Variants in ELMO2 observed in about 807,000 individuals in gnomAD.
The protein encoded by ELMO2 is engulfment and cell motility 2.
A neutral mutation model predicts 96.2 loss-of-function variants in ELMO2; 37 were observed. The ratio of observed to expected loss-of-function variants is 0.38; its 90% confidence interval spans 0.30 to 0.51. The LOEUF is 0.51. Among genes scored for constraint, ELMO2 ranks in the 20% least tolerant of loss-of-function variants. The probability of loss-of-function intolerance (pLI) is 0.88; values close to 1 mark genes in which losing one functional copy is unlikely to be tolerated. For synonymous variants in ELMO2, 315 were observed against 329.4 expected (o/e 0.96, Z 0.47); for missense variants, 561 against 912.6 (o/e 0.61, Z 4.96).
intron 15 of ELMO2, among the ~76,000 whole-genome samples, chr20:46,373,800 A>G (rs1362637674): frequency 6.6e-6 from 1 of 152,202 alleles, no homozygotes; most frequent in Non-Finnish European, 1.5e-5. Context: ...TCAAATTGCC[A>G]GTTCAAACAA....
intron 2 of ELMO2, among the ~76,000 whole-genome samples, chr20:46,396,155 C>A (rs189543889): frequency 8.5e-5 from 13 of 152,306 alleles, no homozygotes; most frequent in African/African-American, 3.1e-4. Context: ...CCTAGACACA[C>A]GACAAACCTC....
At chr20:46,397,199 C>A (rs916166513) in intron 2 of ELMO2, among the ~76,000 whole-genome samples, 1 of 152,188 alleles carries the variant, frequency 6.6e-6, no homozygotes, top group Non-Finnish European at 1.5e-5. Flanking sequence ...TTTGCAACCA[C>A]CAAACTATTT....
chr20:46,381,280 C>T (rs2059950050), intron 10 of ELMO2, among the ~76,000 whole-genome samples: 1 of 152,188 alleles, frequency 6.6e-6, no homozygotes, highest in Non-Finnish European at 1.5e-5. Context: ...TCGACCATCA[C>T]TTCTTACTGA....
At chr20:46,405,609 T>G (rs2060421524) in intron 1 of ELMO2, among the ~76,000 whole-genome samples, 1 of 151,722 alleles carries the variant, frequency 6.6e-6, no homozygotes, top group South Asian at 2.1e-4. Flanking sequence ...ATTTCTCGGC[T>G]GGGCGCGGTG....
intron 1 of ELMO2, among the ~76,000 whole-genome samples, chr20:46,400,502 G>C (rs1433793410): frequency 2.0e-5 from 3 of 152,252 alleles, no homozygotes; most frequent in Non-Finnish European, 4.4e-5. Flanking sequence ...CAGTACTGTA[G>C]CTCAATTGCA....
intron 1 of ELMO2, among the ~76,000 whole-genome samples, chr20:46,404,641 C>T (rs921930547): frequency 3.3e-5 from 5 of 152,288 alleles, no homozygotes; most frequent in Non-Finnish European, 4.4e-5. Context: ...TACCACAATC[C>T]CTGGCCATAG....
chr20:46,403,613 C>A (rs181133246), intron 1 of ELMO2, among the ~76,000 whole-genome samples: 4 of 152,368 alleles, frequency 2.6e-5, no homozygotes, highest in Admixed American at 2.6e-4. Context: ...TCTGGCTCTT[C>A]ATTACACCTC....
chr20:46,374,220 G>T, intron 15 of ELMO2, 112 bp downstream of exon 15: 1 of 747,630 alleles, frequency 1.3e-6, no homozygotes, highest in Non-Finnish European at 2.2e-6. Flanking sequence ...GAGATTACAG[G>T]TGTGAACCAC....
intron 6 of ELMO2, among the ~76,000 whole-genome samples, chr20:46,389,881 AC>A (rs1374647643): frequency 1.3e-5 from 2 of 152,070 alleles, no homozygotes; most frequent in African/African-American, 2.4e-5. Context: ...TTGGTCAGGT[AC>A]AGTGGCTTAC....
chr20:46,386,320 G>T, intron 8 of ELMO2, 45 bp from the exon 9 acceptor site: 2 of 1,604,782 alleles, frequency 1.2e-6, no homozygotes, highest in Non-Finnish European at 8.5e-7. Flanking sequence ...CAGGGCCCAA[G>T]AAAGATAGAA....
intron 1 of ELMO2, among the ~76,000 whole-genome samples, chr20:46,400,904 G>A (rs529119202): frequency 6.6e-6 from 1 of 152,320 alleles, no homozygotes; most frequent in South Asian, 2.1e-4. Context: ...GATTCTGAGA[G>A]CAGGATTGGA....
At chr20:46,382,014 C>T (rs2059965441) in intron 10 of ELMO2, among the ~76,000 whole-genome samples, 1 of 152,198 alleles carries the variant, frequency 6.6e-6, no homozygotes. Flanking sequence ...GCAGGTACCC[C>T]CTTAATCCTT....
Position 46,387,346 on chromosome 20 carries a change from T to A in ELMO2, c.517A>T (p.Ile173Phe), listed in dbSNP as rs950801987. Residue 173 changes from isoleucine (I) to phenylalanine (F), a missense_variant, in exon 8 of 22, where the codon ATT becomes TTT. Transcript: ENST00000290246. ...AATGTTGGAGGCCTCACCTGCTTAA[T>A]AAAGGTGATTGAAACCATGTCCCAG... ...VSWDMVSITF[I>F]KQIAGYVSQP... 4.3e-6 allele frequency: 7 copies of A among 1,613,562 alleles called. No homozygotes were observed. Among genetic ancestry groups the A allele is most frequent in the Non-Finnish European group, 5.1e-6 (6 of 1,179,722 alleles).
chr20:46,393,844 T>C (rs1441059640), intron 4 of ELMO2: 1 of 778,234 alleles, frequency 1.3e-6, no homozygotes, highest in Non-Finnish European at 2.0e-6. Context: ...AGGGCAATGC[T>C]AGACTTTAAG....
chr20:46,379,739 G>A (rs929408171), intron 11 of ELMO2, among the ~76,000 whole-genome samples: 10 of 151,934 alleles, frequency 6.6e-5, no homozygotes, highest in African/African-American at 1.5e-4. Context: ...AAAAGTTTCC[G>A]GAAACACTCT....
rs142161863 is a variant in ELMO2 at position 46,404,071 on chromosome 20, T to G, written c.-126+2477A>C. On this transcript the variant is annotated intron_variant, in intron 1 of 21. Coordinates refer to ENST00000290246, the MANE Select transcript of ELMO2 (RefSeq NM_133171.5). ...TGCACTCCAGCCTGGGCGACAAGAGTAAAACTCCATCTCAAAAAAAAAATA... is the reference window on the plus strand; with the variant it reads ...TGCACTCCAGCCTGGGCGACAAGAGGAAAACTCCATCTCAAAAAAAAAATA... Among the ~76,000 whole-genome samples the G allele has an allele frequency of 8.5e-4, 128 of 151,460 alleles. 2 individuals carry two copies. In the East Asian group the frequency reaches 0.02, roughly 24 times the overall value.
chr20:46,381,530 T>G (rs959223952), intron 10 of ELMO2, among the ~76,000 whole-genome samples: 3 of 152,214 alleles, frequency 2.0e-5, no homozygotes, highest in Non-Finnish European at 4.4e-5. Context: ...TCTGAATACA[T>G]ACTGGCTAGC....
At chr20:46,390,088 G>C (rs1225195824) in intron 6 of ELMO2, among the ~76,000 whole-genome samples, 2 of 152,124 alleles carry the variant, frequency 1.3e-5, no homozygotes, top group Non-Finnish European at 2.9e-5. Flanking sequence ...AGGAGGTGGA[G>C]GCTGCAGTGA....
At position 46,373,523 on chromosome 20, in the gene ELMO2, C is replaced by T. The variant is rs776816963; in HGVS notation, c.1292G>A (p.Arg431His). The change falls in exon 16 of 22, where the codon CGC (arginine) becomes CAC (histidine). Residue 431 changes from arginine to histidine, a missense_variant. Coordinates refer to ENST00000290246, the MANE Select transcript of ELMO2 (RefSeq NM_133171.5). ...AAAGAACATCGGGTGGTAGTCATTGCGTCCTTCATTTGCTGTGGAAGTGAA... is the reference window on the plus strand; with the variant it reads ...AAAGAACATCGGGTGGTAGTCATTGTGTCCTTCATTTGCTGTGGAAGTGAA... Reference protein sequence around the residue: ...LQVGELPNEGRNDYHPMFFTH... With the variant: ...LQVGELPNEGHNDYHPMFFTH... 4.3e-6 allele frequency: 7 copies of T among 1,614,038 alleles called. No homozygotes were observed. The highest frequency in any genetic ancestry group is 5.9e-6 in the Non-Finnish European group (7 of 1,179,972).
Sources: allele counts gnomAD v4.1 joint callset (sites outside exome capture counted in the v4.1 genomes callset), GRCh38; gene constraint gnomAD v4.1.1; transcripts MANE v1.5; gene names NCBI Gene and HGNC (gene_info 2026-07-23, HGNC 2026-07-21).